The following KCNC2 variants were observed in gnomAD, a reference collection of about 807,000 sequenced individuals.
The protein encoded by KCNC2 is voltage-gated potassium channel KCNC2.
Under a neutral mutation model 44.5 loss-of-function variants are expected in KCNC2, and 21 were observed. That is an observed-to-expected ratio of 0.47 (90% CI 0.33 to 0.68). The LOEUF is 0.68. Among genes scored for constraint, KCNC2 ranks in the 30% least tolerant of loss-of-function variants. KCNC2 has a pLI of 0.01. For missense variants in KCNC2, 589 were observed against 826.2 expected (o/e 0.71, Z 3.52); for synonymous variants, 391 against 339.1 (o/e 1.15, Z -1.68).
chr12:75,200,445 G>A (rs1303360761), intron 2 of KCNC2, among the ~76,000 whole-genome samples: 2 of 151,528 alleles, frequency 1.3e-5, no homozygotes, highest in Non-Finnish European at 1.5e-5. Context: ...ATATATTTTG[G>A]ACACATATAA....
At chr12:75,170,384 A>G (rs975473759) in intron 2 of KCNC2, among the ~76,000 whole-genome samples, 1 of 151,714 alleles carries the variant, frequency 6.6e-6, no homozygotes, top group African/African-American at 2.4e-5. Flanking sequence ...CCTGGTTTCA[A>G]GCTATCATTC....
intron 2 of KCNC2, among the ~76,000 whole-genome samples, chr12:75,092,092 G>T (rs550550396): frequency 3.3e-5 from 5 of 151,696 alleles, no homozygotes; most frequent in African/African-American, 9.6e-5. Flanking sequence ...TGATTGAAAT[G>T]CAGATTTCTG....
chr12:75,094,204 A>C (rs985150554), intron 2 of KCNC2, among the ~76,000 whole-genome samples: 21 of 151,666 alleles, frequency 1.4e-4, no homozygotes, highest in African/African-American at 2.2e-4. Context: ...TTGTCCAATA[A>C]CAGAAAATTT....
At position 75,207,960 on chromosome 12, in the gene KCNC2, C is replaced by G; in HGVS notation, c.24G>C (p.Glu8Asp). 1 of 1,612,640 alleles carries G rather than the reference C, an allele frequency of 6.2e-7. No individual in the cohort carries two copies. The highest frequency in any genetic ancestry group is 1.1e-5 in the South Asian group (1 of 91,002). The part of the protein sequence containing the change: MGKIENN[E>D]RVILNVGGTR... ...TGCCCCCGACATTGAGGATCACCCT[C>G]TCGTTGTTCTCGATCTTGCCCATCT... Residue 8 changes from glutamate (E) to aspartate (D), a missense_variant, in exon 2 of 5, where the codon GAG (glutamate) becomes GAC (aspartate). By Grantham distance (45) the Glu-to-Asp change is conservative (BLOSUM62 2). Coordinates refer to ENST00000549446, the MANE Select transcript of KCNC2 (RefSeq NM_139137.4). This position sits in a 1 kb window ranked among gnomAD's most constrained non-coding sequence, Gnocchi z 4.1.
chr12:75,195,199 T>C (rs1363797981), intron 2 of KCNC2, among the ~76,000 whole-genome samples: 2 of 152,192 alleles, frequency 1.3e-5, no homozygotes, highest in African/African-American at 2.4e-5. Context: ...AAAGCCTGTA[T>C]TTCTTGTACA....
intron 2 of KCNC2, among the ~76,000 whole-genome samples, chr12:75,127,104 A>G (rs960761908): frequency 3.1e-4 from 47 of 152,170 alleles, no homozygotes; most frequent in Admixed American, 4.6e-4. Flanking sequence ...ACTTGTCTCA[A>G]AGAGTTATGA....
chr12:75,156,203 G>A (rs552116400), intron 2 of KCNC2, among the ~76,000 whole-genome samples: 1 of 151,798 alleles, frequency 6.6e-6, no homozygotes, highest in South Asian at 2.1e-4. Context: ...ACATAGAGCA[G>A]GAGTCAGCAA....
intron 2 of KCNC2, among the ~76,000 whole-genome samples, chr12:75,055,626 A>C (rs1199535206): frequency 1.3e-5 from 2 of 152,130 alleles, no homozygotes; most frequent in Non-Finnish European, 2.9e-5. Flanking sequence ...GTAGTTTCAG[A>C]GTAAAAATAC....
rs148875063 is a variant in KCNC2, at chr12:75,103,718, T to C, written c.688-52401A>G. Among the ~76,000 whole-genome samples the C allele has an allele frequency of 8.2e-3, 1,250 of 152,278 alleles. 19 individuals are homozygous for C. Among genetic ancestry groups the C allele is most frequent in the African/African-American group, 0.029 (1,188 of 41,538 alleles). ...AAGACTCCAAATGGATGCCTGAAAC[T>C]GCAAATAGTACCTAACCCTATATAC... On this transcript the variant is annotated intron_variant, in intron 2 of 4. Coordinates refer to ENST00000549446, the MANE Select transcript of KCNC2 (RefSeq NM_139137.4).
chr12:75,062,335 C>T (rs1882427598), intron 2 of KCNC2, among the ~76,000 whole-genome samples: 1 of 152,068 alleles, frequency 6.6e-6, no homozygotes, highest in African/African-American at 2.4e-5. Context: ...ACACAACATG[C>T]ATACATGCTA....
At chr12:75,104,216 C>T (rs1048744582) in intron 2 of KCNC2, among the ~76,000 whole-genome samples, 26 of 152,172 alleles carry the variant, frequency 1.7e-4, no homozygotes, top group African/African-American at 6.3e-4. Context: ...ATGACAATGT[C>T]AGGAGCAGAC....
intron 2 of KCNC2, among the ~76,000 whole-genome samples, chr12:75,109,513 T>C (rs190997090): frequency 8.3e-4 from 126 of 152,304 alleles, no homozygotes; most frequent in African/African-American, 2.2e-3. Context: ...GGCTATACTG[T>C]TAACTGTCTT....
chr12:75,169,018 T>C (rs1401160844), intron 2 of KCNC2, among the ~76,000 whole-genome samples: 1 of 151,492 alleles, frequency 6.6e-6, no homozygotes. Context: ...TCATCAGTCT[T>C]CAGTTTAGAC....
intron 2 of KCNC2, among the ~76,000 whole-genome samples, chr12:75,063,305 T>C (rs1882521883): frequency 6.6e-6 from 1 of 152,090 alleles, no homozygotes; most frequent in Non-Finnish European, 1.5e-5. Flanking sequence ...AACTCCTATG[T>C]TGAGTCTTGG....
chr12:75,113,745 T>C (rs1234410606), intron 2 of KCNC2, among the ~76,000 whole-genome samples: 1 of 152,050 alleles, frequency 6.6e-6, no homozygotes, highest in South Asian at 2.1e-4. Context: ...AACAGGGGAG[T>C]AGAACCTCTT....
intron 2 of KCNC2, among the ~76,000 whole-genome samples, chr12:75,199,211 A>G (rs531030963): frequency 6.6e-6 from 1 of 151,978 alleles, no homozygotes; most frequent in East Asian, 1.9e-4. Context: ...ATTTTTAAAG[A>G]TGTCTACAGC....
In KCNC2 at chr12:75,040,192, G is replaced by A. The variant is rs1022430121; in HGVS notation, c.*2913C>T. On this transcript the variant is annotated 3_prime_UTR_variant, in exon 5 of 5. Transcript: ENST00000549446. The stretch of plus-strand genomic sequence containing the variant: ...TGGTTATCATCAAGGTTGTGCATGC[G>A]CCTTGAAATGTTCACAAAAGGTCCA... 6.6e-6 allele frequency: 1 copy of A among 152,012 alleles called. No homozygotes were observed. The highest frequency in any genetic ancestry group is 2.4e-5 in the African/African-American group (1 of 41,504). 9.4% of individuals were successfully genotyped at this position (152,012 alleles called of 1,614,324 possible). A position where few individuals can be genotyped will look rare whatever the true frequency, so the allele number is the denominator to read the frequency against.
intron 2 of KCNC2, among the ~76,000 whole-genome samples, chr12:75,172,178 C>T (rs1474513761): frequency 6.6e-6 from 1 of 151,798 alleles, no homozygotes. Context: ...GGCATCCTGA[C>T]ATTAATGGAG....
intron 2 of KCNC2, among the ~76,000 whole-genome samples, chr12:75,182,977 G>C (rs1459093344): frequency 1.3e-5 from 2 of 152,206 alleles, no homozygotes; most frequent in Non-Finnish European, 2.9e-5. Context: ...GAAGCACAGT[G>C]AGCCTAACAG....
Sources: gnomAD v4.1 joint callset for allele counts (sites outside exome capture counted in the v4.1 genomes callset) on GRCh38, gnomAD v4.1.1 for gene constraint, Gnocchi (gnomAD v3.1) non-coding constraint, MANE v1.5 for transcripts, NCBI Gene and HGNC (gene_info 2026-07-23, HGNC 2026-07-21) for gene names.